The following REXO4 variants were observed in gnomAD, a reference collection of about 807,000 sequenced individuals.
REXO4 encodes the protein RNA exonuclease 4.
REXO4 carries 29 observed loss-of-function variants against 39.9 expected under a neutral mutation model. The ratio of observed to expected loss-of-function variants is 0.73; its 90% CI spans 0.54 to 0.99. The LOEUF (loss-of-function observed/expected upper bound fraction) is 0.99, where lower values mean the gene tolerates loss of function less well. Ranked by LOEUF, REXO4 falls within the 50% of genes least tolerant of loss-of-function variation. REXO4 has a pLI of 0.00. For missense variants in REXO4, 524 were observed against 546.5 expected (o/e 0.96, Z 0.41); for synonymous variants, 184 against 206.2 (o/e 0.89, Z 0.92).
At chr9:133,412,261 A>G (rs2285485) in intron 4 of REXO4, 38 bp downstream of exon 4, 117,360 of 1,597,548 alleles carry the variant, frequency 0.073, 4,880 homozygotes, top group Non-Finnish European at 0.086. Flanking sequence ...TCCAGTTACT[A>G]CTTTCCCTTC....
rs1564391316 is a variant in REXO4 at position 133,408,816 on chromosome 9, CT to C, written c.1025del (p.Lys342ArgfsTer16). On this transcript the variant is annotated frameshift_variant, in exon 6 of 8. Transcript: ENST00000371942. LOFTEE classifies it high-confidence loss of function. ...TATATTTCTGTGTGTCCCGAATCTT[CT>C]TTTTTGGATGATCAAGAAATAGTAC... is the stretch of plus-strand genomic sequence containing the variant. ...LKVLFLDHPK[K>X]KIRDTQKYKP... 1 of 1,597,802 alleles carries C rather than the reference CT, an allele frequency of 6.3e-7. No homozygotes were observed. Among genetic ancestry groups the C allele is most frequent in the Non-Finnish European group, 8.6e-7 (1 of 1,166,780 alleles).
Position 133,414,701 on chromosome 9 carries a change from C to T in REXO4, c.536G>A (p.Arg179Gln), listed in dbSNP as rs140757999. 20 of 1,613,898 alleles carry T rather than the reference C, an allele frequency of 1.2e-5. No individual in the cohort carries two copies. The highest frequency in any genetic ancestry group is 2.7e-5 in the African/African-American group (2 of 74,900). The stretch of plus-strand genomic sequence containing the variant: ...GGCTGGGGCTGCCTCCTTAGCTTTC[C>T]GCTTCTTATGCTCGATGTCCCCTCG... Reference protein sequence around the residue: ...PERGDIEHKKRKAKEAAPAPP... With the variant: ...PERGDIEHKKQKAKEAAPAPP... The change falls in exon 2 of 8, where the codon CGG becomes CAG. Residue 179 changes from arginine (R) to glutamine (Q), a missense_variant. Transcript: ENST00000371942.
At chr9:133,416,449 G>C (rs915661694) in intron 1 of REXO4, among the ~76,000 whole-genome samples, 1 of 152,218 alleles carries the variant, frequency 6.6e-6, no homozygotes, top group Admixed American at 6.5e-5. Context: ...CTGAGCTCAA[G>C]TGATCCTCCT....
chr9:133,411,050 T>C lies in REXO4; in HGVS notation c.934A>G (p.Lys312Glu). 1 of 1,614,114 alleles carries C rather than the reference T, an allele frequency of 6.2e-7. No individual in the cohort carries two copies. The highest frequency in any genetic ancestry group is 1.3e-5 in the African/African-American group (1 of 75,032). ...CCCTTCAGCATCTCTGCCACTTCCT[T>C]CTGAACAACTTCAAGCTCTTCTCCT... The part of the protein sequence containing the change: ...KQGEELEVVQ[K>E]EVAEMLKGRI... The change falls in exon 5 of 8, where the codon AAG (lysine) becomes GAG (glutamate). Residue 312 changes from lysine to glutamate, a missense_variant. Coordinates refer to ENST00000371942, the MANE Select transcript of REXO4 (RefSeq NM_020385.4).
chr9:133,414,567 T>A, intron 2 of REXO4, 98 bp downstream of exon 2: 1 of 1,020,502 alleles, frequency 9.8e-7, no homozygotes, highest in Non-Finnish European at 1.6e-6. Context: ...GGTAAAGTGA[T>A]GGAGAGACTG....
At chr9:133,417,170 C>A (rs1839679839) in intron 1 of REXO4, among the ~76,000 whole-genome samples, 2 of 152,204 alleles carry the variant, frequency 1.3e-5, no homozygotes, top group Non-Finnish European at 2.9e-5. Context: ...CGCCATCACG[C>A]CCGGCTAATA....
intron 5 of REXO4, among the ~76,000 whole-genome samples, chr9:133,409,838 C>T (rs587749702): frequency 6.6e-6 from 1 of 152,338 alleles, no homozygotes; most frequent in South Asian, 2.1e-4. Context: ...GCTGCGATTA[C>T]AGGCATAAGC....
intron 5 of REXO4, 142 bp downstream of exon 5, chr9:133,410,843 G>C (rs782622165): frequency 3.1e-6 from 2 of 654,562 alleles, no homozygotes; most frequent in African/African-American, 1.8e-5. Flanking sequence ...AACTCAGCAC[G>C]CGGTATCTGA....
chr9:133,408,111 G>C (rs1318801174), intron 6 of REXO4, among the ~76,000 whole-genome samples: 4 of 152,142 alleles, frequency 2.6e-5, no homozygotes, highest in Admixed American at 6.5e-5. Context: ...GGCCAGGGGA[G>C]GAGTCAGCAT....
chr9:133,411,339 C>T (rs1839203214), intron 4 of REXO4, among the ~76,000 whole-genome samples: 1 of 152,252 alleles, frequency 6.6e-6, no homozygotes. Context: ...CGGCTCATGG[C>T]TGGAGGAGAG....
At chr9:133,408,516 G>A (rs190899766) in intron 6 of REXO4, among the ~76,000 whole-genome samples, 84 of 151,750 alleles carry the variant, frequency 5.5e-4, no homozygotes, top group Non-Finnish European at 8.8e-5. Flanking sequence ...GAGCAGATAC[G>A]ACAGTGGTAC....
rs1554781258 is a variant in REXO4 at position 133,414,982 on chromosome 9, T to C, written c.255A>G (p.Pro85=). ...EWLLKQKSQA[P]EKPLVISQMG... is the part of the protein sequence containing the mutation. ...TCTGAGAGATGACAAGAGGCTTTTC[T>C]GGGGCCTGAGATTTTTGTTTCAGCA... Residue 85 remains proline (P), a synonymous_variant, in exon 2 of 8, where the codon CCA becomes CCG. Transcript: ENST00000371942. The C allele has an allele frequency of 6.3e-7, 1 of 1,593,846 alleles. No homozygotes were observed. The highest frequency in any genetic ancestry group is 1.9e-5 in the Admixed American group (1 of 54,006).
chr9:133,408,972 G>GTGT, intron 5 of REXO4, 130 bp from the exon 6 acceptor site: 1 of 527,096 alleles, frequency 1.9e-6, no homozygotes, highest in Admixed American at 3.2e-5. Context: ...GTGTGTGTGT[G>GTGT]TGTGTGTGTG....
At position 133,414,782 on chromosome 9, in the gene REXO4, G is replaced by A. The variant is rs374718488; in HGVS notation, c.455C>T (p.Thr152Ile). The A allele has an allele frequency of 5.6e-6, 9 of 1,613,998 alleles. No individual in the cohort carries two copies. The highest frequency in any genetic ancestry group is 5.3e-5 in the African/African-American group (4 of 74,892). ...CTTGGTTCCTTTCTTATTGTGCTCT[G>A]TTCCACTGGCCTTGGTGCGAGGTAC... Reference protein sequence around the residue: ...APVPRTKASGTEHNKKGTKER... With the variant: ...APVPRTKASGIEHNKKGTKER... The change falls in exon 2 of 8, where the codon ACA becomes ATA. Residue 152 changes from threonine to isoleucine, a missense_variant. Thr to Ile is a moderately conservative substitution (Grantham distance 89, BLOSUM62 -1). Transcript: ENST00000371942.
intron 7 of REXO4, 73 bp from the exon 8 acceptor site, chr9:133,407,145 G>C: frequency 6.3e-7 from 1 of 1,597,452 alleles, no homozygotes; most frequent in East Asian, 2.2e-5. Flanking sequence ...CAATGACTGA[G>C]CCCTCCCACT....
chr9:133,408,718 G>T lies in REXO4; in HGVS notation c.1074+50C>A, dbSNP rs1554779457. The T allele has an allele frequency of 4.6e-6, 6 of 1,301,430 alleles. No homozygotes were observed. The South Asian group carries it at 4.9e-5, about 11-fold the overall frequency. The allele number at this position is 1,301,430 out of a possible 1,614,324, so 80.6% of individuals were successfully genotyped here. A position where few individuals can be genotyped will look rare whatever the true frequency, so the allele number is the denominator to read the frequency against. On this transcript the variant is annotated intron_variant, in intron 6 of 7. Coordinates refer to ENST00000371942, the MANE Select transcript of REXO4 (RefSeq NM_020385.4). ...CACCAGTGACCAGAAACAATGAAGT[G>T]ACCAGCAAAACAGAAATACAGTATC...
intron 7 of REXO4, 43 bp from the exon 8 acceptor site, chr9:133,407,115 G>T: frequency 6.2e-7 from 1 of 1,607,570 alleles, no homozygotes; most frequent in Non-Finnish European, 8.5e-7. Flanking sequence ...AGGCATAGCC[G>T]CAGCCCACAG....
rs367613556 is a variant in REXO4, at chr9:133,412,774, G to C, written c.716+4C>G. On this transcript the variant is annotated splice_donor_region_variant and intron_variant, in intron 3 of 7. Transcript: ENST00000371942. ...GCAGACCCCACTCCCTGAGACCAGC[G>C]TACCCGCCGAAGGCCTGCTCTTTCA... The C allele has an allele frequency of 6.2e-7, 1 of 1,610,342 alleles. No individual in the cohort carries two copies. The highest frequency in any genetic ancestry group is 1.3e-5 in the African/African-American group (1 of 75,054).
At chr9:133,410,842 C>G (rs908067878) in intron 5 of REXO4, 143 bp downstream of exon 5, 1 of 653,818 alleles carries the variant, frequency 1.5e-6, no homozygotes, top group South Asian at 1.8e-5. Context: ...GAACTCAGCA[C>G]GCGGTATCTG....
Sources: allele counts gnomAD v4.1 joint callset (sites outside exome capture counted in the v4.1 genomes callset), GRCh38; gene constraint gnomAD v4.1.1; transcripts MANE v1.5; gene names NCBI Gene and HGNC (gene_info 2026-07-23, HGNC 2026-07-21).